RBFOX1: variants seen among roughly 807,000 people sequenced by gnomAD.
The protein encoded by RBFOX1 is RNA binding protein fox-1 homolog 1.
A neutral mutation model predicts 57.7 loss-of-function variants in RBFOX1; 8 were observed. The ratio of observed to expected loss-of-function variants is 0.14; its 90% CI spans 0.08 to 0.25. The LOEUF is 0.25. Among genes scored for constraint, RBFOX1 ranks in the 10% least tolerant of loss-of-function variants. RBFOX1 has a pLI of 1.00. For synonymous variants in RBFOX1, 326 were observed against 222.4 expected (o/e 1.47, Z -4.15); for missense variants, 611 against 548.5 (o/e 1.11, Z -1.14).
intron 3 of RBFOX1, among the ~76,000 whole-genome samples, chr16:6,923,121 A>T (rs2074844416): frequency 6.6e-6 from 1 of 152,190 alleles, no homozygotes; most frequent in Admixed American, 6.5e-5. Context: ...GTAGAATTCC[A>T]AAGGAGATAG....
chr16:7,238,428 C>G (rs770075823), intron 4 of RBFOX1, among the ~76,000 whole-genome samples: 1 of 152,190 alleles, frequency 6.6e-6, no homozygotes, highest in African/African-American at 2.4e-5. Flanking sequence ...AAAACAGATT[C>G]TGCTTTTTGC....
chr16:6,552,488 A>T (rs771795919), intron 2 of RBFOX1, among the ~76,000 whole-genome samples: 1 of 152,156 alleles, frequency 6.6e-6, no homozygotes, highest in Non-Finnish European at 1.5e-5. Context: ...ACTACCTGCA[A>T]AGTATTCAGA....
chr16:6,926,812 C>T (rs887846588), intron 3 of RBFOX1, among the ~76,000 whole-genome samples: 2 of 152,132 alleles, frequency 1.3e-5, no homozygotes, highest in African/African-American at 4.8e-5. Context: ...TCGTTTTGAT[C>T]TTTCTGTCCC....
chr16:7,286,521 C>G (rs948841974), intron 4 of RBFOX1, among the ~76,000 whole-genome samples: 6 of 148,406 alleles, frequency 4.0e-5, no homozygotes, highest in African/African-American at 1.5e-4. Context: ...GCCATCTCAG[C>G]TCACTGCAGC....
In RBFOX1 at chr16:6,003,761, G is replaced by T. The variant is rs571914649; in HGVS notation, c.351+136426G>T. ...TTTGTCTGCAAAACAGCTAAGCCAG[G>T]GTCTCAATCTCAAATGCCTCAGGAA... On this transcript the variant is annotated intron_variant, in intron 4 of 19. Transcript: ENST00000641259. Among the ~76,000 whole-genome samples the T allele has an allele frequency of 2.6e-5, 4 of 152,260 alleles. No individual in the cohort carries two copies. In the South Asian group the frequency reaches 8.3e-4, roughly 32 times the overall value.
chr16:7,107,926 G>A (rs902439030), intron 4 of RBFOX1, among the ~76,000 whole-genome samples: 6 of 151,648 alleles, frequency 4.0e-5, no homozygotes, highest in African/African-American at 1.2e-4. Context: ...CTTGAAAAAG[G>A]CAGAGTTTAC....
intron 4 of RBFOX1, among the ~76,000 whole-genome samples, chr16:7,310,584 T>C (rs2142551608): frequency 6.6e-6 from 1 of 152,332 alleles, no homozygotes; most frequent in South Asian, 2.1e-4. Flanking sequence ...TTTCTCAAAC[T>C]TCAGACATTC....
chr16:6,354,205 G>C (rs534476259), intron 2 of RBFOX1, among the ~76,000 whole-genome samples: 20 of 152,120 alleles, frequency 1.3e-4, no homozygotes, highest in African/African-American at 4.6e-4. Flanking sequence ...GGGTGACAGA[G>C]CGAGACACTG....
chr16:7,006,874 T>C (rs560519329), intron 3 of RBFOX1, among the ~76,000 whole-genome samples: 5 of 152,232 alleles, frequency 3.3e-5, no homozygotes, highest in Non-Finnish European at 7.3e-5. Flanking sequence ...ATTTTCTGTC[T>C]GAGCCTTTGT....
At chr16:5,382,635 T>G (rs943317808) in intron 1 of RBFOX1, among the ~76,000 whole-genome samples, 3 of 152,220 alleles carry the variant, frequency 2.0e-5, no homozygotes, top group Non-Finnish European at 4.4e-5. Context: ...TGTTGCTTCA[T>G]TTGTCACTAA....
At chr16:7,530,712 A>G (rs2079846131) in intron 5 of RBFOX1, among the ~76,000 whole-genome samples, 1 of 152,186 alleles carries the variant, frequency 6.6e-6, no homozygotes, top group Admixed American at 6.5e-5. Flanking sequence ...TTGTCAAATT[A>G]TAGCATTTGA....
chr16:7,018,812 C>T (rs565952454), intron 3 of RBFOX1, among the ~76,000 whole-genome samples: 37 of 150,650 alleles, frequency 2.5e-4, no homozygotes, highest in South Asian at 1.1e-3. Context: ...AGAAATACAA[C>T]GTCTACAGAT....
At chr16:7,235,892 T>C (rs1487112319) in intron 4 of RBFOX1, among the ~76,000 whole-genome samples, 1 of 152,084 alleles carries the variant, frequency 6.6e-6, no homozygotes, top group Non-Finnish European at 1.5e-5. Flanking sequence ...TAAATATTGA[T>C]CACTGTCTCC....
At chr16:6,492,518 G>A (rs1482358856) in intron 2 of RBFOX1, among the ~76,000 whole-genome samples, 2 of 152,164 alleles carry the variant, frequency 1.3e-5, no homozygotes, top group Admixed American at 1.3e-4. Flanking sequence ...GCAGTGAGCC[G>A]AGATGGTGCC....
chr16:5,945,309 C>T (rs1303371009), intron 4 of RBFOX1, among the ~76,000 whole-genome samples: 1 of 152,306 alleles, frequency 6.6e-6, no homozygotes, highest in Non-Finnish European at 1.5e-5. Context: ...TGTCTGGAGT[C>T]ATCATCGTTG....
intron 3 of RBFOX1, among the ~76,000 whole-genome samples, chr16:6,963,748 G>T (rs1274865446): frequency 1.3e-5 from 2 of 152,090 alleles, no homozygotes; most frequent in African/African-American, 4.8e-5. Flanking sequence ...GCCCAGGCTG[G>T]AGTGCATTGG....
At position 5,832,383 on chromosome 16, in the gene RBFOX1, A is replaced by T. The variant is rs142754343; in HGVS notation, c.319-34920A>T. Reference sequence around the variant, plus strand: ...AGGGAAGAATGGGGCATGCCCAGAAAGGGCTATTTTGCCACTTCCTAGCTG... The same window carrying T: ...AGGGAAGAATGGGGCATGCCCAGAATGGGCTATTTTGCCACTTCCTAGCTG... On this transcript the variant is annotated intron_variant, in intron 3 of 19. Coordinates refer to the RBFOX1 transcript ENST00000641259. Among the ~76,000 whole-genome samples the T allele has an allele frequency of 8.1e-4, 124 of 152,344 alleles. 2 individuals carry two copies. Among genetic ancestry groups the T allele is most frequent in the South Asian group, 1.4e-3 (7 of 4,828 alleles).
chr16:6,569,289 G>C (rs770086750), intron 2 of RBFOX1, among the ~76,000 whole-genome samples: 7 of 152,112 alleles, frequency 4.6e-5, no homozygotes, highest in Non-Finnish European at 1.0e-4. Context: ...TCTTTTTGTT[G>C]AATGAGTTTT....
chr16:6,954,641 T>C (rs1015147103), intron 3 of RBFOX1, among the ~76,000 whole-genome samples: 2 of 152,116 alleles, frequency 1.3e-5, no homozygotes, highest in Non-Finnish European at 2.9e-5. Flanking sequence ...GGCATGATTT[T>C]TCTAGGGCAG....
Sources: gnomAD v4.1 joint callset for allele counts (sites outside exome capture counted in the v4.1 genomes callset) on GRCh38, gnomAD v4.1.1 for gene constraint, MANE v1.5 for transcripts, NCBI Gene and HGNC (gene_info 2026-07-23, HGNC 2026-07-21) for gene names.